The following RP1 variants were observed in gnomAD, a reference collection of about 807,000 sequenced individuals.
RP1 encodes oxygen-regulated protein 1.
Under a neutral mutation model 14.8 loss-of-function variants are expected in RP1, and 16 were observed. The ratio of observed to expected loss-of-function variants is 1.08; its 90% CI spans 0.73 to 1.65. RP1 has a LOEUF of 1.65. RP1 is among the 40% of genes most tolerant of loss of function. RP1 has a pLI of 0.00. For missense variants in RP1, 2,631 were observed against 2,535.0 expected (o/e 1.04, Z -0.81); for synonymous variants, 876 against 883.6 (o/e 0.99, Z 0.15).
chr8:54,627,478 A>G lies in RP1; in HGVS notation c.3596A>G (p.Lys1199Arg). 1.2e-6 allele frequency: 2 copies of G among 1,614,152 alleles called. No homozygotes were observed. Among genetic ancestry groups the G allele is most frequent in the Non-Finnish European group, 1.7e-6 (2 of 1,179,974 alleles). ...STTSHFGLSE[K>R]EQDMVPIDLS... ...ACAAGCCACTTTGGACTCAGTGAGA[A>G]AGAACAAGACATGGTTCCAATAGAT... The change falls in exon 4 of 4, where the codon AAA becomes AGA. Residue 1199 changes from lysine to arginine, a missense_variant. Coordinates refer to ENST00000220676, the MANE Select transcript of RP1 (RefSeq NM_006269.2).
At chr8:54,652,982 G>GCTTT in intron 5 of RP1, 2 of 650,910 alleles carry the variant, frequency 3.1e-6, no homozygotes, top group Middle Eastern at 2.5e-4. Context: ...TTTAGCCAGT[G>GCTTT]CTTTCTTCAA....
chr8:54,690,918 T>G lies in RP1; in HGVS notation c.1718-8549T>G, dbSNP rs935621616. 3.3e-5 allele frequency among the ~76,000 whole-genome samples: 5 copies of G among 152,080 alleles called. No homozygotes were observed. In the South Asian group the frequency reaches 6.2e-4, roughly 19 times the overall value. On this transcript the variant is annotated intron_variant, in intron 12 of 22. Coordinates refer to the RP1 transcript ENST00000636932. ...CCACTACAACCATAATCATCTCATG[T>G]TAAAAGCAGTCTGCTAGGAACCCAA...
chr8:54,828,679 G>A (rs570467969), intron 24 of RP1, among the ~76,000 whole-genome samples: 221 of 152,098 alleles, frequency 1.5e-3, no homozygotes, highest in African/African-American at 5.3e-3. Flanking sequence ...TCATTATCAA[G>A]TATGTACTGT....
At chr8:54,706,324 G>C in intron 14 of RP1, 2 of 974,814 alleles carry the variant, frequency 2.1e-6, no homozygotes, top group South Asian at 1.7e-5. Flanking sequence ...CTCGTTTTCA[G>C]CCACCAAGCC....
intron 25 of RP1, among the ~76,000 whole-genome samples, chr8:54,847,985 A>AAT (rs1035554722): frequency 1.3e-5 from 2 of 152,170 alleles, no homozygotes; most frequent in African/African-American, 2.4e-5. Context: ...TCCTGTAAAA[A>AAT]ATATATATAG....
At chr8:54,705,288 G>A (rs1051109631) in intron 14 of RP1, among the ~76,000 whole-genome samples, 1 of 152,162 alleles carries the variant, frequency 6.6e-6, no homozygotes. Flanking sequence ...GCTAAGCAAA[G>A]AGACACATAA....
At chr8:54,759,189 C>G (rs191928865) in intron 22 of RP1, 1 of 1,112,852 alleles carries the variant, frequency 9.0e-7, no homozygotes, top group Non-Finnish European at 1.2e-6. Flanking sequence ...TTTTAGGTCA[C>G]GGATTTGTTT....
At position 54,624,654 on chromosome 8, in the gene RP1, C is replaced by A; in HGVS notation, c.788-16C>A. ...TATTTTGATGTGGGCACCTTTTACTCTTAAAATCTTTAAAGTAAGCACACA... is the reference window on the plus strand; with the variant it reads ...TATTTTGATGTGGGCACCTTTTACTATTAAAATCTTTAAAGTAAGCACACA... On this transcript the variant is annotated splice_polypyrimidine_tract_variant and intron_variant, in intron 3 of 3. Transcript: ENST00000220676. The A allele has an allele frequency of 6.2e-7, 1 of 1,613,244 alleles. No homozygotes were observed. Among genetic ancestry groups the A allele is most frequent in the South Asian group, 1.1e-5 (1 of 91,020 alleles).
At chr8:54,742,759 T>G (rs1414880439) in intron 19 of RP1, among the ~76,000 whole-genome samples, 1 of 152,168 alleles carries the variant, frequency 6.6e-6, no homozygotes, top group Admixed American at 6.5e-5. Flanking sequence ...AGAACTAAAA[T>G]TTTAGAAGAA....
intron 1 of RP1, chr8:54,560,551 T>C (rs1203609761): frequency 2.6e-5 from 4 of 152,002 alleles, no homozygotes. Context: ...CAACATGACG[T>C]CACCGGTTTA....
At chr8:54,763,231 G>A (rs1407495140) in intron 22 of RP1, among the ~76,000 whole-genome samples, 1 of 152,098 alleles carries the variant, frequency 6.6e-6, no homozygotes, top group Non-Finnish European at 1.5e-5. Context: ...AAATAAGTTA[G>A]CATCTATCTT....
At chr8:54,591,924 A>C (rs1448115126) in intron 1 of RP1, among the ~76,000 whole-genome samples, 1 of 152,086 alleles carries the variant, frequency 6.6e-6, no homozygotes, top group Non-Finnish European at 1.5e-5. Flanking sequence ...AGTTCTCTTG[A>C]GGTTTCGTTT....
At chr8:54,656,144 C>G (rs2129327300) in exon 6 of RP1, 1 of 1,535,236 alleles carries the variant, frequency 6.5e-7, no homozygotes, top group Non-Finnish European at 8.7e-7. Context: ...CGATGGTTGG[C>G]ACGAGATCAA....
intron 21 of RP1, among the ~76,000 whole-genome samples, chr8:54,758,002 G>T (rs1362258981): frequency 6.6e-6 from 1 of 152,210 alleles, no homozygotes; most frequent in African/African-American, 2.4e-5. Context: ...GGAGCCAATA[G>T]TTGTAGTGTG....
rs1554527263 is a variant in RP1 at position 54,722,274 on chromosome 8, TTG to T, written c.2389+1985_2389+1986del. ...TATTATTTTAGAATGGTTTTTTTTT[TTG>T]TGTGTGTGTGTGTGTGACGGAGTCT... On this transcript the variant is annotated intron_variant, in intron 16 of 22. Coordinates refer to the RP1 transcript ENST00000636932. Among the ~76,000 whole-genome samples, 21 of 143,764 alleles carry T rather than the reference TTG, an allele frequency of 1.5e-4. No homozygotes were observed. In the South Asian group the frequency reaches 1.8e-3, roughly 13 times the overall value. 94.3% of individuals were successfully genotyped at this position (143,764 alleles called of 152,430 possible). A position where few individuals can be genotyped will look rare whatever the true frequency, so the allele number is the denominator to read the frequency against.
chr8:54,608,378 G>A (rs368136589), intron 1 of RP1, among the ~76,000 whole-genome samples: 75 of 152,078 alleles, frequency 4.9e-4, no homozygotes, highest in African/African-American at 7.9e-4. Context: ...TGGTCATGAC[G>A]GTATGTTCAA....
At position 54,630,339 on chromosome 8, in the gene RP1, C is replaced by A; in HGVS notation, c.6457C>A (p.Gln2153Lys). The change falls in exon 4 of 4, where the codon CAA (glutamine) becomes AAA (lysine). Residue 2153 changes from glutamine (Q) to lysine (K), a missense_variant. Gln to Lys is a moderately conservative substitution (Grantham distance 53). Transcript: ENST00000220676. ...NLTDLESSRE[Q>K]EDL is the part of the protein sequence containing the mutation. ...AACTGATCTTGAAAGCAGTAGAGAA[C>A]AAGAAGATTTATAATTTCAATATCA... is the stretch of plus-strand genomic sequence containing the variant. The A allele has an allele frequency of 6.2e-7, 1 of 1,613,624 alleles. No individual in the cohort carries two copies. The highest frequency in any genetic ancestry group is 8.5e-7 in the Non-Finnish European group (1 of 1,179,756).
chr8:54,813,147 C>T (rs939529440), intron 24 of RP1, among the ~76,000 whole-genome samples: 1 of 152,356 alleles, frequency 6.6e-6, no homozygotes, highest in South Asian at 2.1e-4. Context: ...CCTAAATTGT[C>T]TCGAGCAGTT....
intron 1 of RP1, among the ~76,000 whole-genome samples, chr8:54,574,562 T>A (rs1246630490): frequency 6.6e-6 from 1 of 152,108 alleles, no homozygotes; most frequent in Non-Finnish European, 1.5e-5. Context: ...AGCCCTAAAT[T>A]TGTAAGACTG....
Sources: allele counts gnomAD v4.1 joint callset (sites outside exome capture counted in the v4.1 genomes callset), GRCh38; gene constraint gnomAD v4.1.1; transcripts MANE v1.5; gene names NCBI Gene and HGNC (gene_info 2026-07-23, HGNC 2026-07-21).